Variants in DIDO1 observed in about 807,000 individuals in gnomAD.
The protein encoded by DIDO1 is death inducer-obliterator 1.
A neutral mutation model predicts 99.4 loss-of-function variants in DIDO1; 16 were observed. The observed-to-expected ratio is 0.16, with a 90% CI of 0.11 to 0.24. DIDO1 has a LOEUF of 0.24. Among genes scored for constraint, DIDO1 ranks in the 10% least tolerant of loss-of-function variants. The pLI, the probability that DIDO1 is intolerant of heterozygous loss-of-function variation, is 1.00. For missense variants in DIDO1, 2,996 were observed against 3,014.0 expected (o/e 0.99, Z 0.14); for synonymous variants, 1,366 against 1,239.1 (o/e 1.10, Z -2.15).
At chr20:62,912,409 G>C (rs186826957) in intron 2 of DIDO1, among the ~76,000 whole-genome samples, 3 of 151,044 alleles carry the variant, frequency 2.0e-5, no homozygotes, top group Admixed American at 6.6e-5. Context: ...TGGTCAAGGC[G>C]ATCACTTTAA....
chr20:62,888,257 T>C, intron 15 of DIDO1: 4 of 985,508 alleles, frequency 4.1e-6, no homozygotes, highest in African/African-American at 1.7e-5. Context: ...TGGTATAAAC[T>C]GAGGCACATG....
In DIDO1 at chr20:62,881,570, C is replaced by T; in HGVS notation, c.4386G>A (p.Glu1462=). The stretch of plus-strand genomic sequence containing the variant: ...AGGGCGTCGCAGCCCCGGCCACCGG[C>T]TCGGCAGGCCTCTCCACGGAGTTCC... ...VRRNSVERPA[E]PVAGAATPSL... is the part of the protein sequence containing the mutation. The change falls in exon 16 of 16, where the codon GAG becomes GAA. Residue 1462 remains glutamate, a synonymous_variant. Transcript: ENST00000395343. This position sits in a 1 kb window ranked among gnomAD's most constrained non-coding sequence, Gnocchi z 8.3. The T allele has an allele frequency of 6.2e-7, 1 of 1,611,302 alleles. No individual in the cohort carries two copies. Among genetic ancestry groups the T allele is most frequent in the Non-Finnish European group, 8.5e-7 (1 of 1,180,018 alleles).
chr20:62,893,573 T>A (rs2064444757), intron 12 of DIDO1, 93 bp downstream of exon 12: 1 of 1,408,582 alleles, frequency 7.1e-7, no homozygotes, highest in African/African-American at 1.4e-5. Flanking sequence ...CAGGTTACAT[T>A]TCCAAGTTCA....
chr20:62,897,050 A>G lies in DIDO1; in HGVS notation c.1589-54T>C, dbSNP rs1039883718. ...AGGGAGGACACCACAGGGTGCTGTCACCTGACTCTAAAAAGCAGACTTACC... is the reference window on the plus strand; with the variant it reads ...AGGGAGGACACCACAGGGTGCTGTCGCCTGACTCTAAAAAGCAGACTTACC... On this transcript the variant is annotated intron_variant, in intron 6 of 15. Coordinates refer to ENST00000395343, the MANE Select transcript of DIDO1 (RefSeq NM_001193369.2). The G allele has an allele frequency of 6.0e-6, 9 of 1,503,706 alleles. No individual in the cohort carries two copies. In the African/African-American group the frequency reaches 9.8e-5, roughly 16 times the overall value. 93.1% of individuals were successfully genotyped at this position (1,503,706 alleles called of 1,614,324 possible).
intron 1 of DIDO1, among the ~76,000 whole-genome samples, chr20:62,922,253 C>CAT (rs1266785502): frequency 8.7e-5 from 13 of 149,690 alleles, no homozygotes; most frequent in African/African-American, 3.2e-4. Context: ...TACACACACA[C>CAT]ACATATATAT....
rs532844890 is a variant in DIDO1 at position 62,888,804 on chromosome 20, G to A, written c.3541+2156C>T. 2.9e-4 allele frequency: 289 copies of A among 985,452 alleles called. No individual in the cohort carries two copies. In the African/African-American group the frequency reaches 4.6e-3, roughly 16 times the overall value. The allele number at this position is 985,452 out of a possible 1,614,324, so 61.0% of individuals were successfully genotyped here. ...ACCCGATGGCCTGGCCCGGGGTGAAGGCTGTTTAGTGACCATGGAAGTGTG... is the reference window on the plus strand; with the variant it reads ...ACCCGATGGCCTGGCCCGGGGTGAAAGCTGTTTAGTGACCATGGAAGTGTG... On this transcript the variant is annotated intron_variant, in intron 15 of 15. Transcript: ENST00000395343.
chr20:62,929,755 TTTG>T (rs1465396889), upstream of DIDO1, among the ~76,000 whole-genome samples: 5 of 104,096 alleles, frequency 4.8e-5, 1 homozygote, highest in African/African-American at 2.6e-4. Context: ...CAGCCACTGT[TTTG>T]TTTTTTTTTT....
Position 62,880,380 on chromosome 20 carries a change from G to A in DIDO1, c.5576C>T (p.Pro1859Leu), listed in dbSNP as rs766389003. ...GGGGGCGCCCGTCACCTCGTTATACGGGGCGTCCTGGAACTCCCTCTTCTC... is the reference window on the plus strand; with the variant it reads ...GGGGGCGCCCGTCACCTCGTTATACAGGGCGTCCTGGAACTCCCTCTTCTC... ...HGEKREFQDA[P>L]YNEVTGAPAQ... Residue 1859 changes from proline (P) to leucine (L), a missense_variant, in exon 16 of 16, where the codon CCG becomes CTG. Around this residue, in one of 5 missense-constraint regions of DIDO1, gnomAD observed 1,562 missense variants for 1,412.6 expected, o/e 1.11. Coordinates refer to ENST00000395343, the MANE Select transcript of DIDO1 (RefSeq NM_001193369.2). 1.2e-6 allele frequency: 2 copies of A among 1,612,806 alleles called. No individual in the cohort carries two copies. Among genetic ancestry groups the A allele is most frequent in the African/African-American group, 1.3e-5 (1 of 75,054 alleles).
chr20:62,906,145 C>T (rs370363327), intron 5 of DIDO1, 45 bp from the exon 6 acceptor site: 2 of 1,574,934 alleles, frequency 1.3e-6, no homozygotes, highest in African/African-American at 1.4e-5. Flanking sequence ...GGTAAGAAAT[C>T]ATACCTTCAC....
upstream of DIDO1, chr20:62,929,161 G>C (rs1481321359): frequency 6.6e-6 from 1 of 152,252 alleles, no homozygotes; most frequent in African/African-American, 2.4e-5. Flanking sequence ...ATTCCGCACA[G>C]TTCTCTCGGC....
In DIDO1 at chr20:62,894,344, G is replaced by A. The variant is rs2064467918; in HGVS notation, c.2572+69C>T. 1 of 1,592,710 alleles carries A rather than the reference G, an allele frequency of 6.3e-7. No homozygotes were observed. The highest frequency in any genetic ancestry group is 1.7e-5 in the Admixed American group (1 of 58,810). ...GCTTACGTGCGGTTGCTTTTAGGAGGTTCAGTGATTTTTAACAAAATCAAG... is the reference window on the plus strand; with the variant it reads ...GCTTACGTGCGGTTGCTTTTAGGAGATTCAGTGATTTTTAACAAAATCAAG... On this transcript the variant is annotated intron_variant, in intron 11 of 15. Coordinates refer to ENST00000395343, the MANE Select transcript of DIDO1 (RefSeq NM_001193369.2). The surrounding 1 kb of genome is among the most constrained non-coding windows in gnomAD (Gnocchi z 4.4).
chr20:62,915,113 C>T (rs1033599145), intron 1 of DIDO1, among the ~76,000 whole-genome samples: 1 of 152,228 alleles, frequency 6.6e-6, no homozygotes, highest in African/African-American at 2.4e-5. Flanking sequence ...GACCAACTGC[C>T]TTCCCTCTGT....
In DIDO1 at chr20:62,881,473, C is replaced by T. The variant is rs763843258; in HGVS notation, c.4483G>A (p.Glu1495Lys). 1 of 1,610,340 alleles carries T rather than the reference C, an allele frequency of 6.2e-7. No individual in the cohort carries two copies. The highest frequency in any genetic ancestry group is 1.7e-5 in the Admixed American group (1 of 60,020). ...TGCTGCCTGAGAGCTTCTTCTTGCT[C>T]CTCCAGCTGTCTCTTCTGCTCCTCG... The part of the protein sequence containing the change: ...QIEEQKRQLE[E>K]QEEALRQQRA... Residue 1495 changes from glutamate (E) to lysine (K), a missense_variant, in exon 16 of 16, where the codon GAG becomes AAG. By Grantham distance (56) the Glu-to-Lys change is moderately conservative. This residue lies in a region of DIDO1 where 1,562 missense variants were observed against 1,412.6 expected (regional missense o/e 1.11). Coordinates refer to ENST00000395343, the MANE Select transcript of DIDO1 (RefSeq NM_001193369.2). The surrounding 1 kb of genome is among the most constrained non-coding windows in gnomAD (Gnocchi z 8.3).
intron 4 of DIDO1, among the ~76,000 whole-genome samples, chr20:62,909,033 G>A (rs1439705215): frequency 6.6e-6 from 1 of 152,256 alleles, no homozygotes; most frequent in African/African-American, 2.4e-5. Flanking sequence ...GCACGGCCCA[G>A]CCTTCGGACA....
intron 4 of DIDO1, among the ~76,000 whole-genome samples, chr20:62,908,498 C>T (rs1484662088): frequency 6.6e-6 from 1 of 152,210 alleles, no homozygotes; most frequent in African/African-American, 2.4e-5. Context: ...TCACGCACCA[C>T]AAACAGCTTG....
Position 62,897,434 on chromosome 20 carries a change from T to A in DIDO1, c.1589-438A>T, listed in dbSNP as rs79853317. Among the ~76,000 whole-genome samples, 1,217 of 152,338 alleles carry A rather than the reference T, an allele frequency of 8.0e-3. 24 individuals carry two copies. The highest frequency in any genetic ancestry group is 0.028 in the African/African-American group (1,178 of 41,570). On this transcript the variant is annotated intron_variant, in intron 6 of 15. Coordinates refer to ENST00000395343, the MANE Select transcript of DIDO1 (RefSeq NM_001193369.2). ...CCGTTTAGAAGCGTAAAACAGGCTC[T>A]CTTAGCCCGGTGGGTGGGGTTTACA...
In DIDO1 at chr20:62,878,626, GT is replaced by G. The variant is rs2064143755; in HGVS notation, c.*606del. On this transcript the variant is annotated 3_prime_UTR_variant, in exon 16 of 16. Coordinates refer to ENST00000395343, the MANE Select transcript of DIDO1 (RefSeq NM_001193369.2). The stretch of plus-strand genomic sequence containing the variant: ...TAGGACAGATGTTGCTTTAAATCAT[GT>G]TTTGGAAAAAATTGATAAGGTGATA... 6.6e-6 allele frequency: 1 copy of G among 152,208 alleles called. No homozygotes were observed. The highest frequency in any genetic ancestry group is 1.5e-5 in the Non-Finnish European group (1 of 68,040). The allele number at this position is 152,208 out of a possible 1,614,324, so 9.4% of individuals were successfully genotyped here.
At chr20:62,916,802 T>C (rs533908221) in intron 1 of DIDO1, among the ~76,000 whole-genome samples, 14 of 152,358 alleles carry the variant, frequency 9.2e-5, no homozygotes, top group Admixed American at 4.6e-4. Flanking sequence ...TCACTGATAC[T>C]ACACCAACTC....
In DIDO1 at chr20:62,879,820, G is replaced by A. The variant is rs997117466; in HGVS notation, c.6136C>T (p.Pro2046Ser). 1.9e-6 allele frequency: 3 copies of A among 1,609,100 alleles called. No individual in the cohort carries two copies. The highest frequency in any genetic ancestry group is 2.5e-6 in the Non-Finnish European group (3 of 1,178,794). Residue 2046 changes from proline to serine, a missense_variant, in exon 16 of 16, where the codon CCG becomes TCG. Physicochemically the swap from Pro to Ser is moderately conservative, Grantham distance 74. Around this residue, in one of 5 missense-constraint regions of DIDO1, gnomAD observed 1,562 missense variants for 1,412.6 expected, o/e 1.11. Coordinates refer to ENST00000395343, the MANE Select transcript of DIDO1 (RefSeq NM_001193369.2). The surrounding 1 kb of genome is among the most constrained non-coding windows in gnomAD (Gnocchi z 6.3). ...HRKDRWEEAG[P>S]PSALSSSAPG... ...GCACTGGAGGAGAGCGCGGAGGGCG[G>A]CCCGGCCTCCTCCCAGCGGTCCTTC...
Sources: gnomAD v4.1 joint callset for allele counts (sites outside exome capture counted in the v4.1 genomes callset) on GRCh38, gnomAD v4.1.1 for gene constraint, gnomAD v4.1.1 regional missense constraint, Gnocchi (gnomAD v3.1) non-coding constraint, MANE v1.5 for transcripts, NCBI Gene and HGNC (gene_info 2026-07-23, HGNC 2026-07-21) for gene names.